ANKFY1: variants seen among roughly 807,000 people sequenced by gnomAD.
ANKFY1 encodes ankyrin repeat and FYVE domain containing 1.
ANKFY1 carries 47 observed loss-of-function variants against 128.3 expected under a neutral mutation model. The observed-to-expected ratio is 0.37, with a 90% CI of 0.29 to 0.47. ANKFY1 has a LOEUF of 0.47. Ranked by LOEUF, ANKFY1 falls within the 20% of genes least tolerant of loss-of-function variation. ANKFY1 has a pLI of 1.00. For missense variants in ANKFY1, 1,222 were observed against 1,510.6 expected (o/e 0.81, Z 3.17); for synonymous variants, 553 against 601.6 (o/e 0.92, Z 1.18).
chr17:4,210,055 C>T, intron 4 of ANKFY1, 108 bp from the exon 5 acceptor site: 1 of 1,030,372 alleles, frequency 9.7e-7, no homozygotes, highest in Non-Finnish European at 1.4e-6. Context: ...ATTAATAACA[C>T]TATGGGATAA....
chr17:4,263,473 ACC>A, intron 1 of ANKFY1: 2 of 331,364 alleles, frequency 6.0e-6, no homozygotes, highest in Non-Finnish European at 1.1e-5. Context: ...CCCCCACCCC[ACC>A]CCACCTCACC....
At chr17:4,180,085 C>T (rs185244844) in intron 16 of ANKFY1, 67 of 606,650 alleles carry the variant, frequency 1.1e-4, no homozygotes, top group Non-Finnish European at 1.5e-4. Flanking sequence ...GTGGGCAACC[C>T]GGGCATCAGA....
intron 1 of ANKFY1, among the ~76,000 whole-genome samples, chr17:4,257,405 G>A (rs753359489): frequency 1.1e-4 from 17 of 152,232 alleles, no homozygotes; most frequent in Non-Finnish European, 2.4e-4. Context: ...ATGAGTCTCA[G>A]AATAAAATCC....
chr17:4,173,284 G>A, intron 21 of ANKFY1, 70 bp downstream of exon 21: 1 of 1,456,976 alleles, frequency 6.9e-7, no homozygotes, highest in South Asian at 1.1e-5. Context: ...CTGATGGGAG[G>A]CACCAGCAAC....
intron 3 of ANKFY1, chr17:4,222,485 C>A: frequency 4.6e-6 from 4 of 875,230 alleles, no homozygotes; most frequent in Non-Finnish European, 7.9e-6. Flanking sequence ...ATGGACCTGC[C>A]CCAGGGCAAC....
chr17:4,218,888 G>C (rs1377436280), intron 3 of ANKFY1, among the ~76,000 whole-genome samples: 1 of 149,478 alleles, frequency 6.7e-6, no homozygotes, highest in Admixed American at 6.7e-5. Flanking sequence ...AAAAGAAAAA[G>C]AAAAAAAAAT....
chr17:4,204,389 A>C (rs901260250), intron 7 of ANKFY1, among the ~76,000 whole-genome samples: 18 of 152,346 alleles, frequency 1.2e-4, no homozygotes, highest in Middle Eastern at 3.4e-3. Context: ...CACAGAGTAA[A>C]CAGATGAGCT....
intron 3 of ANKFY1, among the ~76,000 whole-genome samples, chr17:4,235,400 T>A (rs572258613): frequency 6.6e-6 from 1 of 151,756 alleles, no homozygotes; most frequent in African/African-American, 2.4e-5. Flanking sequence ...TTTAAGCAAT[T>A]TGACAGCAGG....
intron 3 of ANKFY1, among the ~76,000 whole-genome samples, chr17:4,232,632 G>C (rs1321995048): frequency 1.3e-5 from 2 of 152,152 alleles, no homozygotes; most frequent in Non-Finnish European, 2.9e-5. Context: ...GGAGAGTCTA[G>C]AGACATTTAA....
intron 7 of ANKFY1, among the ~76,000 whole-genome samples, 186 bp from the exon 8 acceptor site, chr17:4,197,763 G>A (rs1215185537): frequency 6.6e-6 from 1 of 152,160 alleles, no homozygotes; most frequent in African/African-American, 2.4e-5. Context: ...AATTCAAAAG[G>A]CTCTGCTCAA....
At chr17:4,254,324 A>C in intron 1 of ANKFY1, among the ~76,000 whole-genome samples, 1 of 148,884 alleles carries the variant, frequency 6.7e-6, no homozygotes, top group Non-Finnish European at 1.5e-5. Context: ...AAAAAAAAAA[A>C]AAAAAAAAAG....
At chr17:4,209,375 A>G (rs2060085754) in intron 5 of ANKFY1, among the ~76,000 whole-genome samples, 1 of 151,980 alleles carries the variant, frequency 6.6e-6, no homozygotes, top group African/African-American at 2.4e-5. Flanking sequence ...ATCTCAGTTC[A>G]CCGCAACCTC....
Position 4,206,353 on chromosome 17 carries a change from C to T in ANKFY1, c.866G>A (p.Gly289Asp), listed in dbSNP as rs2060023621. ...KADVDMVDKS[G>D]WSLLHKGIQR... ...GATTCCTTTGTGTAACAAGCTCCAG[C>T]CACTCTTGTCCACCATGTCCACATC... The change falls in exon 7 of 25, where the codon GGC becomes GAC. Residue 289 changes from glycine (G) to aspartate (D), a missense_variant. Coordinates refer to ENST00000341657, the MANE Select transcript of ANKFY1 (RefSeq NM_001330063.2). 1.2e-6 allele frequency: 2 copies of T among 1,614,066 alleles called. No individual in the cohort carries two copies. Among genetic ancestry groups the T allele is most frequent in the African/African-American group, 2.7e-5 (2 of 75,054 alleles).
Position 4,209,826 on chromosome 17 carries a change from A to C in ANKFY1, c.580T>G (p.Trp194Gly). The change falls in exon 5 of 25, where the codon TGG (tryptophan) becomes GGG (glycine). Residue 194 changes from tryptophan (W) to glycine (G), a missense_variant and splice_region_variant. Trp to Gly is a radical substitution (Grantham distance 184, BLOSUM62 -2). Transcript: ENST00000341657. ...NYCAEIIASHWDDLRKEDFSS... is the reference protein window; with the variant it reads ...NYCAEIIASHGDDLRKEDFSS... ...TTGACACCCTCAACCTCACTCACCCAATGACTTGCAATAATTTCTGCACAG... is the reference window on the plus strand; with the variant it reads ...TTGACACCCTCAACCTCACTCACCCCATGACTTGCAATAATTTCTGCACAG... 6.2e-7 allele frequency: 1 copy of C among 1,612,046 alleles called. No homozygotes were observed. Among genetic ancestry groups the C allele is most frequent in the Non-Finnish European group, 8.5e-7 (1 of 1,178,410 alleles).
At chr17:4,211,896 CA>C (rs1405742189) in intron 4 of ANKFY1, among the ~76,000 whole-genome samples, 1 of 108,630 alleles carries the variant, frequency 9.2e-6, no homozygotes, top group Non-Finnish European at 1.9e-5. Context: ...AAAAAAAAAA[CA>C]AAACAAAAAC....
intron 8 of ANKFY1, among the ~76,000 whole-genome samples, chr17:4,196,086 G>GC (rs1249984245): frequency 1.3e-5 from 1 of 78,890 alleles, no homozygotes; most frequent in Non-Finnish European, 2.2e-5. Context: ...CACCTACCCC[G>GC]CCCCCCACCT....
At chr17:4,193,873 C>T (rs2059764045) in intron 10 of ANKFY1, among the ~76,000 whole-genome samples, 1 of 151,408 alleles carries the variant, frequency 6.6e-6, no homozygotes, top group Non-Finnish European at 1.5e-5. Context: ...AATTCTCCTA[C>T]CTCAGCGTCC....
intron 4 of ANKFY1, among the ~76,000 whole-genome samples, chr17:4,210,830 G>A (rs1389905622): frequency 6.7e-6 from 1 of 149,390 alleles, no homozygotes; most frequent in African/African-American, 2.5e-5. Flanking sequence ...TCAGGAGCTC[G>A]AGACCAGCCT....
At chr17:4,175,392 A>C (rs1186538115) in intron 19 of ANKFY1, among the ~76,000 whole-genome samples, 2 of 152,116 alleles carry the variant, frequency 1.3e-5, no homozygotes, top group African/African-American at 4.8e-5. Context: ...TTACAGAATC[A>C]ACACAGCCGG....
Sources: allele counts gnomAD v4.1 joint callset (sites outside exome capture counted in the v4.1 genomes callset), GRCh38; gene constraint gnomAD v4.1.1; transcripts MANE v1.5; gene names NCBI Gene and HGNC (gene_info 2026-07-23, HGNC 2026-07-21).